The following PRKD1 variants were observed in gnomAD, a reference collection of about 807,000 sequenced individuals.
The protein encoded by PRKD1 is protein kinase D1, also known as serine/threonine-protein kinase D1.
PRKD1 carries 63 observed loss-of-function variants against 95.9 expected under a neutral mutation model. That is an observed-to-expected ratio of 0.66 (90% CI 0.54 to 0.81). The LOEUF (loss-of-function observed/expected upper bound fraction) is 0.81, where lower values mean the gene tolerates loss of function less well. Ranked by LOEUF, PRKD1 falls within the 30% of genes least tolerant of loss-of-function variation. The pLI is 0.00. For missense variants in PRKD1, 1,048 were observed against 1,165.3 expected, an observed-to-expected ratio of 0.90 and a Z score of 1.47; for synonymous variants, 425 against 423.1, an observed-to-expected ratio of 1.00 and a Z score of -0.05.
At chr14:29,842,469 A>G (rs1177874827) in intron 1 of PRKD1, among the ~76,000 whole-genome samples, 2 of 152,182 alleles carry the variant, frequency 1.3e-5, no homozygotes, top group African/African-American at 4.8e-5. Flanking sequence ...CTCCATTATA[A>G]TCTCATAGGA....
At chr14:29,867,024 G>T (rs143020274) in intron 1 of PRKD1, among the ~76,000 whole-genome samples, 347 of 152,224 alleles carry the variant, frequency 2.3e-3, no homozygotes, top group Middle Eastern at 0.014. Flanking sequence ...TCTAAGAACT[G>T]CTGGACACTT....
At chr14:29,730,529 T>C (rs1490796708) in intron 1 of PRKD1, among the ~76,000 whole-genome samples, 1 of 152,104 alleles carries the variant, frequency 6.6e-6, no homozygotes, top group Non-Finnish European at 1.5e-5. Context: ...ATAAGGAATA[T>C]CCGGAGGAAT....
At chr14:29,663,370 G>A (rs1330249720) in intron 4 of PRKD1, among the ~76,000 whole-genome samples, 1 of 151,896 alleles carries the variant, frequency 6.6e-6, no homozygotes, top group East Asian at 1.9e-4. Context: ...AATCTTCAGA[G>A]AACATTTTGT....
At chr14:29,919,983 A>AG (rs770212578) in intron 1 of PRKD1, among the ~76,000 whole-genome samples, 7 of 149,678 alleles carry the variant, frequency 4.7e-5, no homozygotes, top group Admixed American at 1.3e-4. Context: ...AGAGAGAGAG[A>AG]GAAAGAGAGG....
intron 1 of PRKD1, among the ~76,000 whole-genome samples, chr14:29,747,058 T>C (rs1324101649): frequency 6.6e-6 from 1 of 152,078 alleles, no homozygotes; most frequent in Non-Finnish European, 1.5e-5. Flanking sequence ...ATATTAAAAA[T>C]TTACAAATCC....
intron 12 of PRKD1, 41 bp from the exon 13 acceptor site, chr14:29,624,299 A>G (rs1263658514): frequency 1.4e-6 from 2 of 1,429,454 alleles, no homozygotes; most frequent in Admixed American, 1.9e-5. Context: ...GTTATTAAAT[A>G]TCATCTATCT....
At position 29,721,008 on chromosome 14, in the gene PRKD1, C is replaced by T. The variant is rs887268837; in HGVS notation, c.403+4528G>A. ...CGCACTCTCACATAGCTGTAGCTCTCCTGAGAGTTCTGTTGATTTTTTCAT... is the reference window on the plus strand; with the variant it reads ...CGCACTCTCACATAGCTGTAGCTCTTCTGAGAGTTCTGTTGATTTTTTCAT... On this transcript the variant is annotated intron_variant, in intron 2 of 17. Transcript: ENST00000331968. 4.6e-5 allele frequency among the ~76,000 whole-genome samples: 7 copies of T among 152,138 alleles called. No homozygotes were observed. In the East Asian group the frequency reaches 1.4e-3, roughly 29 times the overall value.
intron 1 of PRKD1, among the ~76,000 whole-genome samples, chr14:29,788,223 A>G (rs1889363158): frequency 6.6e-6 from 1 of 152,062 alleles, no homozygotes; most frequent in Non-Finnish European, 1.5e-5. Flanking sequence ...TTTTCTTTCA[A>G]TACTTTGAGT....
rs1455715862 is a variant in PRKD1 at position 29,814,621 on chromosome 14, A to G, written c.265-88947T>C. Among the ~76,000 whole-genome samples the G allele has an allele frequency of 2.6e-5, 4 of 152,106 alleles. No homozygotes were observed. The East Asian group carries it at 5.8e-4, about 22-fold the overall frequency. ...ACAGCTGACTTTGATGCACTTTTTCAAAGGTATATGCAAAACCCTCTCCAC... is the reference window on the plus strand; with the variant it reads ...ACAGCTGACTTTGATGCACTTTTTCGAAGGTATATGCAAAACCCTCTCCAC... On this transcript the variant is annotated intron_variant, in intron 1 of 17. Transcript: ENST00000331968.
intron 4 of PRKD1, among the ~76,000 whole-genome samples, chr14:29,649,026 A>G (rs1208872808): frequency 6.6e-6 from 1 of 152,074 alleles, no homozygotes; most frequent in East Asian, 1.9e-4. Context: ...TATTTTTGCC[A>G]TTTTTAAAAC....
intron 2 of PRKD1, among the ~76,000 whole-genome samples, chr14:29,689,078 A>G (rs778234041): frequency 3.9e-5 from 6 of 152,020 alleles, no homozygotes; most frequent in Non-Finnish European, 5.9e-5. Flanking sequence ...TGAAAATGCC[A>G]AAAGCAATTG....
intron 1 of PRKD1, among the ~76,000 whole-genome samples, chr14:29,909,943 G>C (rs1894644474): frequency 6.6e-6 from 1 of 152,174 alleles, no homozygotes; most frequent in Non-Finnish European, 1.5e-5. Flanking sequence ...TCAGCACCCT[G>C]TCAAAACAGA....
chr14:29,924,728 T>C (rs1895238295), intron 1 of PRKD1, among the ~76,000 whole-genome samples: 1 of 151,916 alleles, frequency 6.6e-6, no homozygotes, highest in Non-Finnish European at 1.5e-5. Context: ...CTGTCATCCT[T>C]CCTCATAGCT....
intron 1 of PRKD1, among the ~76,000 whole-genome samples, chr14:29,820,716 T>C (rs1183461592): frequency 2.6e-5 from 4 of 152,084 alleles, no homozygotes; most frequent in Non-Finnish European, 5.9e-5. Context: ...TATAACACGC[T>C]AAGGAACCAC....
chr14:29,749,237 C>G lies in PRKD1; in HGVS notation c.265-23563G>C, dbSNP rs45519439. Among the ~76,000 whole-genome samples the G allele has an allele frequency of 8.9e-3, 1,354 of 152,204 alleles. 18 individuals carry two copies. Among genetic ancestry groups the G allele is most frequent in the African/African-American group, 0.032 (1,312 of 41,528 alleles). On this transcript the variant is annotated intron_variant, in intron 1 of 17. Coordinates refer to ENST00000331968, the MANE Select transcript of PRKD1 (RefSeq NM_002742.3). The stretch of plus-strand genomic sequence containing the variant: ...TCTCTTCTCCCACTCTTCAGATAGC[C>G]AGTTCATACCATGTTATATGCTAGT...
At chr14:29,657,574 TA>T in intron 4 of PRKD1, 1 of 152,304 alleles carries the variant, frequency 6.6e-6, no homozygotes, top group South Asian at 2.1e-4. Flanking sequence ...TATCCAGTAT[TA>T]CCTGCTACAG....
chr14:29,807,059 T>C (rs187217946), intron 1 of PRKD1, among the ~76,000 whole-genome samples: 1 of 152,264 alleles, frequency 6.6e-6, no homozygotes, highest in East Asian at 1.9e-4. Flanking sequence ...AAAAATACTT[T>C]ATTGCTAAAA....
chr14:29,830,749 G>A (rs575343773), intron 1 of PRKD1, among the ~76,000 whole-genome samples: 1 of 151,954 alleles, frequency 6.6e-6, no homozygotes, highest in South Asian at 2.1e-4. Context: ...CTGGAATGTA[G>A]TGGCATGATC....
chr14:29,752,168 C>T (rs1002480332), intron 1 of PRKD1, among the ~76,000 whole-genome samples: 20 of 152,108 alleles, frequency 1.3e-4, no homozygotes, highest in African/African-American at 4.8e-4. Flanking sequence ...TTTAGCTATA[C>T]AGAATTTACA....
Sources: allele counts gnomAD v4.1 joint callset (sites outside exome capture counted in the v4.1 genomes callset), GRCh38; gene constraint gnomAD v4.1.1; transcripts MANE v1.5; gene names NCBI Gene and HGNC (gene_info 2026-07-23, HGNC 2026-07-21).